AKAIN1: variants seen among roughly 807,000 people sequenced by gnomAD.
AKAIN1 encodes A-kinase anchor protein inhibitor 1.
Under a neutral mutation model 3.7 loss-of-function variants are expected in AKAIN1, and 3 were observed. The observed-to-expected ratio is 0.82, with a 90% CI of 0.37 to 2.12. The LOEUF is 2.12. Ranked by LOEUF, AKAIN1 falls within the 30% of genes most tolerant of loss-of-function variation. AKAIN1 has a pLI of 0.06. For missense variants in AKAIN1, 82 were observed against 82.7 expected (o/e 0.99, Z 0.03); for synonymous variants, 31 against 30.8 (o/e 1.01, Z -0.02).
At chr18:5,161,507 CTATT>C (rs1356791917) in intron 1 of AKAIN1, among the ~76,000 whole-genome samples, 1 of 152,092 alleles carries the variant, frequency 6.6e-6, no homozygotes, top group East Asian at 1.9e-4. Context: ...TCTCCACCTT[CTATT>C]TATTTATTTA....
In AKAIN1 at chr18:5,143,019, G is replaced by C. The variant is rs542886209; in HGVS notation, c.*2543C>G. 1.1e-3 allele frequency among the ~76,000 whole-genome samples: 166 copies of C among 152,222 alleles called. No individual in the cohort carries two copies. The highest frequency in any genetic ancestry group is 3.9e-3 in the African/African-American group (164 of 41,528). On this transcript the variant is annotated 3_prime_UTR_variant, in exon 2 of 2. Transcript: ENST00000434239. ...CCTAGGGGCAGGCAACAGAGAAGAC[G>C]AACAGCTGAACACACAGAGATGGGA...
upstream of AKAIN1, chr18:5,197,509 A>AAAAAAAAAC (rs1483018797): frequency 1.6e-6 from 2 of 1,225,436 alleles, no homozygotes; most frequent in African/African-American, 3.1e-5. The surrounding 1 kb of genome is among the most constrained non-coding windows in gnomAD (Gnocchi z 6.9). Flanking sequence ...TTTGTCAAAA[A>AAAAAAAAAC]AAAAAAACTC....
chr18:5,172,841 G>A (rs1479088425), intron 1 of AKAIN1, among the ~76,000 whole-genome samples: 1 of 151,920 alleles, frequency 6.6e-6, no homozygotes, highest in Non-Finnish European at 1.5e-5. Flanking sequence ...TTAGAATTCT[G>A]CCAATGAAGA....
At position 5,145,713 on chromosome 18, in the gene AKAIN1, T is replaced by A. The variant is rs1421860884; in HGVS notation, c.59A>T (p.Asn20Ile). ...GNEPEEVKLQ[N>I]ASKQIVQNAI... is the part of the protein sequence containing the mutation. ...ATTCTGCACAATCTGTTTGCTGGCA[T>A]TCTGCAGCTTCACCTCTTCAGGCTC... Residue 20 changes from asparagine (N) to isoleucine (I), a missense_variant, in exon 2 of 2, where the codon AAT becomes ATT. Physicochemically the swap from Asn to Ile is moderately radical, Grantham distance 149. Coordinates refer to ENST00000434239, the MANE Select transcript of AKAIN1 (RefSeq NM_001145194.2). 3.2e-6 allele frequency: 5 copies of A among 1,551,570 alleles called. No homozygotes were observed. The highest frequency in any genetic ancestry group is 2.4e-5 in the East Asian group (1 of 40,926).
chr18:5,178,752 T>C (rs1319526015), intron 1 of AKAIN1, among the ~76,000 whole-genome samples: 9 of 152,130 alleles, frequency 5.9e-5, no homozygotes. Context: ...TTTTAAAAAA[T>C]CCTTATGCTT....
chr18:5,146,670 G>C (rs1389784599), intron 1 of AKAIN1, among the ~76,000 whole-genome samples: 1 of 152,180 alleles, frequency 6.6e-6, no homozygotes, highest in Non-Finnish European at 1.5e-5. Flanking sequence ...CCCGCCTGGT[G>C]ATCTAGAGCA....
intron 1 of AKAIN1, among the ~76,000 whole-genome samples, chr18:5,167,015 A>T (rs1471228962): frequency 1.3e-5 from 2 of 152,064 alleles, no homozygotes; most frequent in Non-Finnish European, 1.5e-5. Context: ...AGAGTAGTAA[A>T]TGATACATGA....
chr18:5,158,414 G>A (rs1007139566), intron 1 of AKAIN1, among the ~76,000 whole-genome samples: 4 of 152,182 alleles, frequency 2.6e-5, no homozygotes, highest in Admixed American at 2.6e-4. Context: ...ATATTAGAAA[G>A]GCTGCTCCAA....
chr18:5,145,137 C>G lies in AKAIN1; in HGVS notation c.*425G>C, dbSNP rs2071040998. The G allele has an allele frequency of 6.5e-6, 1 of 153,524 alleles. No homozygotes were observed. The highest frequency in any genetic ancestry group is 1.4e-5 in the Non-Finnish European group (1 of 68,974). The allele number at this position is 153,524 out of a possible 1,614,324, so 9.5% of individuals were successfully genotyped here. A position where few individuals can be genotyped will look rare whatever the true frequency, so the allele number is the denominator to read the frequency against. Reference sequence around the variant, plus strand: ...GGTAACTAAAACTGCATTCCCTCACCTTTCTAGCATGTCTTTTTAATATAC... The same window carrying G: ...GGTAACTAAAACTGCATTCCCTCACGTTTCTAGCATGTCTTTTTAATATAC... On this transcript the variant is annotated 3_prime_UTR_variant, in exon 2 of 2. Coordinates refer to ENST00000434239, the MANE Select transcript of AKAIN1 (RefSeq NM_001145194.2).
intron 1 of AKAIN1, among the ~76,000 whole-genome samples, chr18:5,153,339 A>T (rs1759603522): frequency 6.7e-6 from 1 of 150,094 alleles, no homozygotes; most frequent in Non-Finnish European, 1.5e-5. Context: ...AAGGAAAGAA[A>T]AATAACAAAA....
intron 1 of AKAIN1, among the ~76,000 whole-genome samples, chr18:5,192,556 A>G (rs2071327817): frequency 6.6e-6 from 1 of 151,916 alleles, no homozygotes; most frequent in Admixed American, 6.6e-5. Flanking sequence ...GGTGCTGTCT[A>G]TGAGAAAGTG....
chr18:5,180,050 T>G (rs8097988), intron 1 of AKAIN1, among the ~76,000 whole-genome samples: 138,318 of 151,980 alleles, frequency 0.91, 63,591 homozygotes, highest in East Asian at 1. Context: ...CCCCACTGCA[T>G]GCTTCCCAGG....
chr18:5,168,986 G>T (rs1387469141), intron 1 of AKAIN1, among the ~76,000 whole-genome samples: 2 of 152,006 alleles, frequency 1.3e-5, no homozygotes, highest in Admixed American at 6.6e-5. Flanking sequence ...AATACATAGA[G>T]AAATATTTGT....
At chr18:5,194,645 G>T (rs1443447594) in intron 1 of AKAIN1, among the ~76,000 whole-genome samples, 1 of 152,152 alleles carries the variant, frequency 6.6e-6, no homozygotes, top group African/African-American at 2.4e-5. Context: ...GTACCTCAGG[G>T]TTCTTGCCCT....
chr18:5,145,739 A>G lies in AKAIN1; in HGVS notation c.33T>C (p.Asn11=). The change falls in exon 2 of 2, where the codon AAT becomes AAC. Residue 11 remains asparagine, a synonymous_variant. Coordinates refer to ENST00000434239, the MANE Select transcript of AKAIN1 (RefSeq NM_001145194.2). The part of the protein sequence containing the change: MVFAPGEKPG[N]EPEEVKLQNA... ...TCTGCAGCTTCACCTCTTCAGGCTC[A>G]TTTCCAGGTTTCTCACCTAGCCAAA... The G allele has an allele frequency of 1.9e-6, 3 of 1,550,748 alleles. No homozygotes were observed. Among genetic ancestry groups the G allele is most frequent in the Non-Finnish European group, 2.6e-6 (3 of 1,146,276 alleles).
chr18:5,189,383 C>G (rs182323905), intron 1 of AKAIN1, among the ~76,000 whole-genome samples: 16 of 152,300 alleles, frequency 1.1e-4, no homozygotes, highest in African/African-American at 2.6e-4. Flanking sequence ...AACAAACACA[C>G]TTTTTCACTC....
intron 1 of AKAIN1, among the ~76,000 whole-genome samples, chr18:5,158,187 T>C (rs977129977): frequency 2.0e-5 from 3 of 152,236 alleles, no homozygotes; most frequent in Admixed American, 6.5e-5. Flanking sequence ...TATGGTTCAA[T>C]GAGTGGCTGT....
chr18:5,149,471 C>G (rs1206011940), intron 1 of AKAIN1, among the ~76,000 whole-genome samples: 1 of 152,156 alleles, frequency 6.6e-6, no homozygotes, highest in Non-Finnish European at 1.5e-5. Context: ...CATATTACAA[C>G]TCAGATATTG....
intron 1 of AKAIN1, among the ~76,000 whole-genome samples, chr18:5,169,045 TGCAGGGCGGG>T (rs1477729432): frequency 6.8e-6 from 1 of 146,202 alleles, no homozygotes; most frequent in Non-Finnish European, 1.6e-5. Context: ...GTCTAAAATA[TGCAGGGCGGG>T]CTGGCAATCT....
Sources: allele counts gnomAD v4.1 joint callset (sites outside exome capture counted in the v4.1 genomes callset), GRCh38; gene constraint gnomAD v4.1.1; non-coding constraint Gnocchi (gnomAD v3.1); transcripts MANE v1.5; gene names NCBI Gene and HGNC (gene_info 2026-07-23, HGNC 2026-07-21).